The following ZNF469 variants were observed in gnomAD, a reference collection of about 807,000 sequenced individuals.
ZNF469 encodes zinc finger protein 469.
ZNF469 carries 1 observed loss-of-function variant against 1.0 expected under a neutral mutation model. The observed-to-expected ratio is 1.00, with a 90% CI of 0.35 to 4.73. ZNF469 has a LOEUF of 4.73. ZNF469 is among the 30% of genes most tolerant of loss of function. ZNF469 has a pLI of 0.16. For synonymous variants in ZNF469, 2,703 were observed against 2,363.4 expected (o/e 1.14, Z -4.17); for missense variants, 6,100 against 5,356.3 (o/e 1.14, Z -4.33).
At chr16:88,179,529 C>A in the ZNF469 span, among the ~76,000 whole-genome samples, 1 of 152,182 alleles carries the variant, frequency 6.6e-6, no homozygotes, top group Non-Finnish European at 1.5e-5. Flanking sequence ...TTGCCCGGCC[C>A]CAGGTGTCCC....
At chr16:88,287,413 C>T in the ZNF469 span, among the ~76,000 whole-genome samples, 5 of 152,212 alleles carry the variant, frequency 3.3e-5, no homozygotes, top group African/African-American at 1.2e-4. Context: ...ACAACCGCAC[C>T]AGCGGAGCCC....
At chr16:88,371,260 T>C in the ZNF469 span, among the ~76,000 whole-genome samples, 1 of 152,238 alleles carries the variant, frequency 6.6e-6, no homozygotes, top group Admixed American at 6.5e-5. Context: ...AGTTAGTCAA[T>C]ACTAAGCACA....
chr16:88,414,818 C>G (rs113386656), intron 1 of ZNF469, among the ~76,000 whole-genome samples: 4 of 152,268 alleles, frequency 2.6e-5, no homozygotes, highest in Non-Finnish European at 5.9e-5. Context: ...AGGACAGCCC[C>G]GCCCAGACGT....
chr16:88,231,463 C>T, the ZNF469 span, among the ~76,000 whole-genome samples: 2 of 152,226 alleles, frequency 1.3e-5, no homozygotes, highest in Non-Finnish European at 2.9e-5. The surrounding 1 kb of genome is among the most constrained non-coding windows in gnomAD (Gnocchi z 4.5). Flanking sequence ...ACCACAGGCT[C>T]ACAGCTCTGT....
chr16:88,432,012 T>A lies in ZNF469; in HGVS notation c.4542T>A (p.His1514Gln). Residue 1514 changes from histidine (H) to glutamine (Q), a missense_variant, in exon 3 of 3, where the codon CAT (histidine) becomes CAA (glutamine). Transcript: ENST00000565624. The stretch of plus-strand genomic sequence containing the variant: ...AAGTATCCCCGATGCTGCCTAGCCA[T>A]TTTCCTGATCTCTCGGGGGGAAAGG... The part of the protein sequence containing the change: ...LEEVSPMLPS[H>Q]FPDLSGGKVL... 1 of 1,550,144 alleles carries A rather than the reference T, an allele frequency of 6.5e-7. No individual in the cohort carries two copies. Among genetic ancestry groups the A allele is most frequent in the Non-Finnish European group, 8.7e-7 (1 of 1,146,942 alleles).
the ZNF469 span, among the ~76,000 whole-genome samples, chr16:88,121,518 G>A: frequency 6.6e-6 from 1 of 152,190 alleles, no homozygotes; most frequent in Non-Finnish European, 1.5e-5. Flanking sequence ...CTCAGCCTTG[G>A]CCAGATGGGC....
At chr16:88,420,648 G>A (rs1442465171) in intron 1 of ZNF469, among the ~76,000 whole-genome samples, 1 of 152,232 alleles carries the variant, frequency 6.6e-6, no homozygotes, top group Non-Finnish European at 1.5e-5. Flanking sequence ...CGCAATCCAG[G>A]AGGGCTTCCT....
the ZNF469 span, among the ~76,000 whole-genome samples, chr16:88,214,618 T>A: frequency 6.6e-6 from 1 of 152,194 alleles, no homozygotes; most frequent in Non-Finnish European, 1.5e-5. Context: ...ACCCGTCATC[T>A]ACATTAGGTA....
chr16:88,116,789 G>C, the ZNF469 span, among the ~76,000 whole-genome samples: 4 of 152,308 alleles, frequency 2.6e-5, no homozygotes, highest in African/African-American at 9.6e-5. Context: ...ACTGAGAACA[G>C]GTTGGTGGTT....
the ZNF469 span, among the ~76,000 whole-genome samples, chr16:88,186,640 C>T: frequency 5.3e-5 from 8 of 152,140 alleles, no homozygotes; most frequent in Non-Finnish European, 8.8e-5. Flanking sequence ...GCGCAGCGGG[C>T]CCACCTCCCC....
At chr16:88,141,141 A>C in the ZNF469 span, among the ~76,000 whole-genome samples, 16 of 152,328 alleles carry the variant, frequency 1.1e-4, no homozygotes, top group Admixed American at 1.0e-3. Context: ...AATCCGCTAA[A>C]TTGCAAAAAA....
chr16:88,242,249 G>A, the ZNF469 span, among the ~76,000 whole-genome samples: 25 of 152,316 alleles, frequency 1.6e-4, no homozygotes, highest in South Asian at 4.1e-4. Context: ...CTTCTCATCC[G>A]TCTCACCCTG....
chr16:88,365,502 T>C, the ZNF469 span, among the ~76,000 whole-genome samples: 1 of 152,276 alleles, frequency 6.6e-6, no homozygotes, highest in Middle Eastern at 3.4e-3. Context: ...GAGGCTAGCA[T>C]GGGGGAGCTG....
In ZNF469 at chr16:88,436,268, G is replaced by C; in HGVS notation, c.8798G>C (p.Gly2933Ala). The change falls in exon 3 of 3, where the codon GGT (glycine) becomes GCT (alanine). Residue 2933 changes from glycine to alanine, a missense_variant. By Grantham distance (60) the Gly-to-Ala change is moderately conservative. Transcript: ENST00000565624. ...EDPWEDEDPA[G>A]LPESFLLDGF... ...CCGTGGGAGGACGAGGATCCCGCAG[G>C]TCTGCCCGAGTCCTTCCTCCTGGAT... 13 of 1,549,954 alleles carry C rather than the reference G, an allele frequency of 8.4e-6. No homozygotes were observed. Among genetic ancestry groups the C allele is most frequent in the Non-Finnish European group, 1.1e-5 (13 of 1,146,876 alleles).
At chr16:88,197,420 T>C in the ZNF469 span, among the ~76,000 whole-genome samples, 8 of 152,208 alleles carry the variant, frequency 5.3e-5, no homozygotes, top group Non-Finnish European at 8.8e-5. Context: ...GCTGGATACA[T>C]AGAAGGTACA....
At chr16:88,276,179 G>T in the ZNF469 span, among the ~76,000 whole-genome samples, 3 of 152,188 alleles carry the variant, frequency 2.0e-5, no homozygotes, top group South Asian at 2.1e-4. Flanking sequence ...CGAGGCCCCT[G>T]CACAGGAGTC....
At chr16:88,166,688 A>G in the ZNF469 span, among the ~76,000 whole-genome samples, 1 of 151,684 alleles carries the variant, frequency 6.6e-6, no homozygotes, top group Non-Finnish European at 1.5e-5. The surrounding 1 kb of genome is among the most constrained non-coding windows in gnomAD (Gnocchi z 4.5). Flanking sequence ...CCACTGGGTG[A>G]GGCGTTTTTC....
chr16:88,424,954 C>T lies in ZNF469; in HGVS notation c.-127+83C>T, dbSNP rs910663687. The stretch of plus-strand genomic sequence containing the variant: ...TCCTGAGGCCCCCTCCGCCCCCACC[C>T]GCCCGGCCTTCCTCTCCCTCTCAGG... On this transcript the variant is annotated intron_variant, in intron 2 of 2. Transcript: ENST00000565624. This position sits in a 1 kb window ranked among gnomAD's most constrained non-coding sequence, Gnocchi z 4.3. Among the ~76,000 whole-genome samples, 3 of 152,070 alleles carry T rather than the reference C, an allele frequency of 2.0e-5. No homozygotes were observed. Among genetic ancestry groups the T allele is most frequent in the East Asian group, 1.9e-4 (1 of 5,182 alleles).
chr16:88,242,483 A>G, the ZNF469 span, among the ~76,000 whole-genome samples: 2 of 152,246 alleles, frequency 1.3e-5, no homozygotes, highest in Non-Finnish European at 2.9e-5. Flanking sequence ...CTAGAAGGAC[A>G]CCAGGCAGAT....
Sources: allele counts gnomAD v4.1 joint callset (sites outside exome capture counted in the v4.1 genomes callset), GRCh38; gene constraint gnomAD v4.1.1; non-coding constraint Gnocchi (gnomAD v3.1); transcripts MANE v1.5; gene names NCBI Gene and HGNC (gene_info 2026-07-23, HGNC 2026-07-21).